Variants in STPG2 observed in about 807,000 individuals in gnomAD.
The protein encoded by STPG2 is sperm tail PG-rich repeat containing 2.
A neutral mutation model predicts 54.2 loss-of-function variants in STPG2; 56 were observed. The observed-to-expected ratio is 1.03, with a 90% CI of 0.83 to 1.29. STPG2 has a LOEUF of 1.29. Among genes scored for constraint, STPG2 ranks in the 50% most tolerant of loss-of-function variants. The pLI is 0.00. For synonymous variants in STPG2, 200 were observed against 181.8 expected, an observed-to-expected ratio of 1.10 and a Z score of -0.81; for missense variants, 596 against 544.9, an observed-to-expected ratio of 1.09 and a Z score of -0.93.
chr4:97,511,904 T>C (rs1176981820), intron 4 of STPG2, among the ~76,000 whole-genome samples: 1 of 152,016 alleles, frequency 6.6e-6, no homozygotes, highest in Non-Finnish European at 1.5e-5. Context: ...CATGCCATAT[T>C]TGGAGAGCTG....
intron 8 of STPG2, among the ~76,000 whole-genome samples, chr4:97,914,821 C>T (rs1428827542): frequency 6.6e-6 from 1 of 152,116 alleles, no homozygotes; most frequent in South Asian, 2.1e-4. Flanking sequence ...GATTTTGGAG[C>T]GTTTCCCATT....
At chr4:97,987,016 T>C (rs1212098260) in intron 5 of STPG2, among the ~76,000 whole-genome samples, 2 of 152,198 alleles carry the variant, frequency 1.3e-5, no homozygotes, top group African/African-American at 2.4e-5. Flanking sequence ...AAGAAATACA[T>C]GTTCTCATTA....
rs895991645 is a variant in STPG2 at position 97,902,412 on chromosome 4, G to A, written c.1044+41485C>T. Among the ~76,000 whole-genome samples the A allele has an allele frequency of 5.9e-5, 9 of 152,072 alleles. No individual in the cohort carries two copies. The South Asian group carries it at 1.9e-3, about 32-fold the overall frequency. On this transcript the variant is annotated intron_variant, in intron 8 of 10. Coordinates refer to ENST00000295268, the MANE Select transcript of STPG2 (RefSeq NM_174952.3). ...ATTTGCAAACTACATACCTGATAAG[G>A]GTTAATCTTCAAAACATACAAAGAA...
intron 8 of STPG2, among the ~76,000 whole-genome samples, chr4:97,847,078 T>A (rs1315414034): frequency 1.3e-5 from 2 of 152,130 alleles, no homozygotes; most frequent in African/African-American, 4.8e-5. Flanking sequence ...AGCAAAATCT[T>A]TAACCAAATA....
intron 10 of STPG2, among the ~76,000 whole-genome samples, chr4:97,698,440 A>T (rs768604880): frequency 2.0e-5 from 3 of 152,154 alleles, no homozygotes; most frequent in African/African-American, 4.8e-5. Flanking sequence ...TAAAGGTAGG[A>T]GGAGCACAAA....
At chr4:97,627,907 C>T (rs1397088078) in intron 10 of STPG2, among the ~76,000 whole-genome samples, 1 of 152,098 alleles carries the variant, frequency 6.6e-6, no homozygotes, top group Non-Finnish European at 1.5e-5. Context: ...AGACTGATGT[C>T]TGAGCTCAAG....
intron 8 of STPG2, among the ~76,000 whole-genome samples, chr4:97,896,261 T>A (rs1248383252): frequency 6.6e-6 from 1 of 151,832 alleles, no homozygotes; most frequent in Admixed American, 6.6e-5. Flanking sequence ...GTAATCATCA[T>A]AACTAACCCA....
intron 9 of STPG2, among the ~76,000 whole-genome samples, chr4:97,748,918 T>A (rs1193028786): frequency 6.6e-6 from 1 of 151,612 alleles, no homozygotes; most frequent in African/African-American, 2.4e-5. Context: ...AGAAAAATAA[T>A]TCTTGTAGTC....
At chr4:97,597,137 G>A (rs1395837990) in intron 10 of STPG2, among the ~76,000 whole-genome samples, 1 of 152,014 alleles carries the variant, frequency 6.6e-6, no homozygotes, top group Non-Finnish European at 1.5e-5. Context: ...ACACCTCTAT[G>A]CACAAAAATT....
intron 10 of STPG2, among the ~76,000 whole-genome samples, chr4:97,591,183 G>T (rs539022655): frequency 1.3e-5 from 2 of 152,056 alleles, no homozygotes; most frequent in South Asian, 4.1e-4. Flanking sequence ...TGATGATAAA[G>T]AAATTTAAAA....
chr4:97,846,408 C>T (rs1728949815), intron 8 of STPG2, among the ~76,000 whole-genome samples: 1 of 151,788 alleles, frequency 6.6e-6, no homozygotes, highest in South Asian at 2.1e-4. Flanking sequence ...GGTTGGATCA[C>T]GAGATCAGGA....
At chr4:97,498,705 A>G (rs1730661536) in intron 4 of STPG2, among the ~76,000 whole-genome samples, 1 of 151,942 alleles carries the variant, frequency 6.6e-6, no homozygotes, top group African/African-American at 2.4e-5. Flanking sequence ...ATACAACAAT[A>G]GCATGGATTG....
intron 8 of STPG2, 81 bp from the exon 9 acceptor site, chr4:97,841,013 T>G: frequency 1.5e-6 from 2 of 1,362,824 alleles, no homozygotes; most frequent in South Asian, 2.8e-5. Flanking sequence ...ATGGTTACAG[T>G]AAGCAATGAA....
intron 3 of STPG2, among the ~76,000 whole-genome samples, chr4:98,122,726 A>AT (rs143884634): frequency 2.0e-5 from 3 of 151,748 alleles, no homozygotes; most frequent in Non-Finnish European, 4.4e-5. Flanking sequence ...CCTCCTTTTC[A>AT]TTTTTTTTGG....
At chr4:97,748,043 T>G (rs1165712425) in intron 9 of STPG2, among the ~76,000 whole-genome samples, 1 of 151,498 alleles carries the variant, frequency 6.6e-6, no homozygotes, top group African/African-American at 2.4e-5. Context: ...ATTTCTACAT[T>G]TGTTCATTTT....
At chr4:97,452,632 G>A (rs1729406978) in intron 4 of STPG2, among the ~76,000 whole-genome samples, 1 of 152,172 alleles carries the variant, frequency 6.6e-6, no homozygotes, top group South Asian at 2.1e-4. Context: ...ACGTCAAGAT[G>A]ACCAACAGCA....
intron 8 of STPG2, among the ~76,000 whole-genome samples, chr4:97,875,681 G>C (rs979167441): frequency 2.0e-5 from 3 of 151,826 alleles, no homozygotes; most frequent in African/African-American, 7.2e-5. Context: ...TATAAATTTA[G>C]ATGAGCTAGT....
At chr4:97,880,818 G>A (rs1179600669) in intron 8 of STPG2, among the ~76,000 whole-genome samples, 2 of 151,886 alleles carry the variant, frequency 1.3e-5, no homozygotes, top group African/African-American at 4.8e-5. Context: ...CACACACTTA[G>A]GAGTAACTGA....
chr4:97,773,210 A>G (rs1726269556), intron 9 of STPG2, among the ~76,000 whole-genome samples: 1 of 152,192 alleles, frequency 6.6e-6, no homozygotes, highest in Admixed American at 6.5e-5. Flanking sequence ...AGTGAACTCC[A>G]TGATAGAAAT....
Sources: gnomAD v4.1 joint callset for allele counts (sites outside exome capture counted in the v4.1 genomes callset) on GRCh38, gnomAD v4.1.1 for gene constraint, MANE v1.5 for transcripts, NCBI Gene and HGNC (gene_info 2026-07-23, HGNC 2026-07-21) for gene names.